Variants in MACC1 observed in about 807,000 individuals in gnomAD.
The protein encoded by MACC1 is metastasis-associated in colon cancer protein 1.
A neutral mutation model predicts 70.7 loss-of-function variants in MACC1; 79 were observed. That is an observed-to-expected ratio of 1.12 (90% confidence interval 0.93 to 1.35). The LOEUF (loss-of-function observed/expected upper bound fraction) is 1.35. Ranked by LOEUF, MACC1 falls within the 40% of genes most tolerant of loss-of-function variation. MACC1 has a pLI of 0.00. For synonymous variants in MACC1, 361 were observed against 347.2 expected (o/e 1.04, Z -0.44); for missense variants, 1,106 against 978.1 (o/e 1.13, Z -1.74).
At chr7:20,203,048 T>C (rs1182148934) in intron 1 of MACC1, among the ~76,000 whole-genome samples, 1 of 152,214 alleles carries the variant, frequency 6.6e-6, no homozygotes. Context: ...TTAAAAAATT[T>C]ATTCATTGGG....
At position 20,140,814 on chromosome 7, in the gene MACC1, CACACACACACAGACACACACACACAG is replaced by C; in HGVS notation, c.*106_*131del. ...ATTCTTTCTTTCCTACACACACACACACACACACACAGACACACACACACAGACACACACACACAGACACACAGAGA... is the reference window on the plus strand; with the variant it reads ...ATTCTTTCTTTCCTACACACACACACACACACACACACAGACACACAGAGA... On this transcript the variant is annotated 3_prime_UTR_variant, in exon 7 of 7. Coordinates refer to ENST00000400331, the MANE Select transcript of MACC1 (RefSeq NM_182762.4). 3.7e-6 allele frequency: 2 copies of C among 542,892 alleles called. No homozygotes were observed. Among genetic ancestry groups the C allele is most frequent in the Admixed American group, 3.2e-5 (1 of 31,632 alleles). 33.6% of individuals were successfully genotyped at this position (542,892 alleles called of 1,614,324 possible).
chr7:20,178,261 TCA>T (rs71020623), intron 1 of MACC1, among the ~76,000 whole-genome samples: 36,341 of 98,590 alleles, frequency 0.37, 4,755 homozygotes, highest in Middle Eastern at 0.5. Context: ...TAATCTTATT[TCA>T]CACACACACA....
chr7:20,184,186 T>C (rs12533162), intron 1 of MACC1, among the ~76,000 whole-genome samples: 16,228 of 152,212 alleles, frequency 0.11, 1,139 homozygotes, highest in Non-Finnish European at 0.15. Flanking sequence ...GGTTGAATTA[T>C]ATAGTGGTGA....
rs113850450 is a variant in MACC1 at position 20,140,872 on chromosome 7, C to G, written c.*74G>C. ...ACACACAGACACACAGAGACACACA[C>G]AGACACACACAGACACACACACACA... On this transcript the variant is annotated 3_prime_UTR_variant, in exon 7 of 7. Transcript: ENST00000400331. 55 of 1,058,178 alleles carry G rather than the reference C, an allele frequency of 5.2e-5. No homozygotes were observed. The African/African-American group carries it at 5.6e-4, about 11-fold the overall frequency. The allele number at this position is 1,058,178 out of a possible 1,614,324, so 65.5% of individuals were successfully genotyped here.
intron 2 of MACC1, among the ~76,000 whole-genome samples, chr7:20,166,436 T>A (rs1442905497): frequency 6.6e-6 from 1 of 152,196 alleles, no homozygotes; most frequent in Non-Finnish European, 1.5e-5. Flanking sequence ...ATGCTGTGAG[T>A]GGCCTTACTG....
chr7:20,217,118 G>A (rs777039611), intron 1 of MACC1, among the ~76,000 whole-genome samples, 181 bp downstream of exon 1: 2 of 152,020 alleles, frequency 1.3e-5, no homozygotes, highest in South Asian at 4.2e-4. Flanking sequence ...TATGTCATGA[G>A]GTTTATTCTA....
intron 6 of MACC1, among the ~76,000 whole-genome samples, chr7:20,141,672 G>C (rs1304821877): frequency 6.6e-6 from 1 of 152,052 alleles, no homozygotes; most frequent in Non-Finnish European, 1.5e-5. Context: ...CAAGATGAAA[G>C]CAAAAATATA....
chr7:20,159,041 A>G lies in MACC1; in HGVS notation c.1320T>C (p.Cys440=). ...CTGTCTTTACTTCAAAATCAGGATC[A>G]CAGGAAAAAATAGAAATACTTAAAT... ...PQDLSISIFS[C]DPDFEVKTEG... Residue 440 remains cysteine (C), a synonymous_variant, in exon 5 of 7, where the codon TGT becomes TGC. Coordinates refer to ENST00000400331, the MANE Select transcript of MACC1 (RefSeq NM_182762.4). 6.2e-7 allele frequency: 1 copy of G among 1,613,868 alleles called. No individual in the cohort carries two copies. The highest frequency in any genetic ancestry group is 1.1e-5 in the South Asian group (1 of 91,040).
At chr7:20,217,050 C>CT (rs1273238773) in intron 1 of MACC1, among the ~76,000 whole-genome samples, 6 of 151,876 alleles carry the variant, frequency 4.0e-5, no homozygotes, top group South Asian at 2.1e-4. Flanking sequence ...TGGGTTCCTC[C>CT]TTTTTTTTAA....
At chr7:20,205,689 G>GT (rs1554292032) in intron 1 of MACC1, among the ~76,000 whole-genome samples, 1 of 152,094 alleles carries the variant, frequency 6.6e-6, no homozygotes, top group African/African-American at 2.4e-5. Context: ...TTTCTCAAGG[G>GT]TTTTTTGTTT....
At chr7:20,163,786 AC>A (rs1782171848) in intron 3 of MACC1, among the ~76,000 whole-genome samples, 1 of 152,198 alleles carries the variant, frequency 6.6e-6, no homozygotes, top group Non-Finnish European at 1.5e-5. Flanking sequence ...TGAGCCACTG[AC>A]CGGAAGTTAC....
rs886357532 is a variant in MACC1, at chr7:20,183,641, G to A, written c.-217-12863C>T. Among the ~76,000 whole-genome samples, 4 of 151,460 alleles carry A rather than the reference G, an allele frequency of 2.6e-5. No homozygotes were observed. In the East Asian group the frequency reaches 5.8e-4, roughly 22 times the overall value. On this transcript the variant is annotated intron_variant, in intron 1 of 6. Coordinates refer to ENST00000400331, the MANE Select transcript of MACC1 (RefSeq NM_182762.4). ...TCCACAACGTATTTTTCTTGCTTTC[G>A]TTTCTTTCCCTGTAATATCCTAATT...
intron 6 of MACC1, among the ~76,000 whole-genome samples, chr7:20,143,848 A>G (rs1410175962): frequency 1.3e-5 from 2 of 152,174 alleles, no homozygotes; most frequent in Admixed American, 1.3e-4. Flanking sequence ...GCAAGGGGGA[A>G]TATTGCCCTA....
chr7:20,212,813 G>C (rs901975736), intron 1 of MACC1, among the ~76,000 whole-genome samples: 2 of 152,160 alleles, frequency 1.3e-5, no homozygotes, highest in African/African-American at 2.4e-5. Context: ...AAACTCCAGA[G>C]GCTCAAACAG....
At chr7:20,161,905 A>C (rs1782144262) in intron 3 of MACC1, 35 bp from the exon 4 acceptor site, 1 of 1,224,744 alleles carries the variant, frequency 8.2e-7, no homozygotes, top group East Asian at 2.3e-5. Context: ...TTTTGTAAGC[A>C]TACATATACA....
intron 1 of MACC1, among the ~76,000 whole-genome samples, chr7:20,201,176 G>C (rs1229833146): frequency 6.6e-6 from 1 of 152,166 alleles, no homozygotes; most frequent in Non-Finnish European, 1.5e-5. Flanking sequence ...TAACTAAAGA[G>C]AGGGAAGAAA....
In MACC1 at chr7:20,172,992, C is replaced by T. The variant is rs1372097468; in HGVS notation, c.-217-2214G>A. Among the ~76,000 whole-genome samples, 5 of 152,166 alleles carry T rather than the reference C, an allele frequency of 3.3e-5. No homozygotes were observed. In the East Asian group the frequency reaches 7.7e-4, roughly 23 times the overall value. Reference sequence around the variant, plus strand: ...GTTTAGGAGTTTTGTCCTGTTCTTGCTTTCTACCTCCTTATCATTTTCCCT... The same window carrying T: ...GTTTAGGAGTTTTGTCCTGTTCTTGTTTTCTACCTCCTTATCATTTTCCCT... On this transcript the variant is annotated intron_variant, in intron 1 of 6. Transcript: ENST00000400331.
At chr7:20,197,233 A>T (rs1782767140) in intron 1 of MACC1, among the ~76,000 whole-genome samples, 1 of 152,204 alleles carries the variant, frequency 6.6e-6, no homozygotes, top group South Asian at 2.1e-4. Context: ...CAAGTCAGTT[A>T]ATATTTTCTC....
chr7:20,168,055 G>T (rs976083862), intron 2 of MACC1, among the ~76,000 whole-genome samples: 3 of 152,158 alleles, frequency 2.0e-5, no homozygotes, highest in African/African-American at 7.2e-5. Context: ...TCATCTTACA[G>T]ATGATGAACC....
Sources: gnomAD v4.1 joint callset for allele counts (sites outside exome capture counted in the v4.1 genomes callset) on GRCh38, gnomAD v4.1.1 for gene constraint, MANE v1.5 for transcripts, NCBI Gene and HGNC (gene_info 2026-07-23, HGNC 2026-07-21) for gene names.